Variants in CCDC187 observed in about 807,000 individuals in gnomAD.
CCDC187 encodes the protein coiled-coil domain containing 187.
A neutral mutation model predicts 38.0 loss-of-function variants in CCDC187; 32 were observed. The ratio of observed to expected loss-of-function variants is 0.84; its 90% CI spans 0.64 to 1.13. The LOEUF is 1.13. CCDC187 is among the 50% of genes most tolerant of loss of function. The pLI is 0.00. For missense variants in CCDC187, 707 were observed against 786.8 expected (o/e 0.90, Z 1.21); for synonymous variants, 333 against 347.9 (o/e 0.96, Z 0.48).
chr9:136,299,001 G>A (rs1055957514), intron 3 of CCDC187, among the ~76,000 whole-genome samples: 16 of 152,204 alleles, frequency 1.1e-4, no homozygotes, highest in Admixed American at 2.0e-4. Flanking sequence ...GCCGGTGACT[G>A]ATAGGATGGG....
rs532447754 is a variant in CCDC187, at chr9:136,265,883, T to G, written c.3735+73A>C. Reference sequence around the variant, plus strand: ...CTCTGTTGCTGGGGAATGTTCAGATTCCAGGCAAGAAGATGACACGACTGC... The same window carrying G: ...CTCTGTTGCTGGGGAATGTTCAGATGCCAGGCAAGAAGATGACACGACTGC... On this transcript the variant is annotated intron_variant, in intron 17 of 25. Coordinates refer to ENST00000638797, the MANE Select transcript of CCDC187 (RefSeq NM_001378188.1). 3.9e-6 allele frequency: 3 copies of G among 768,436 alleles called. No individual in the cohort carries two copies. The South Asian group carries it at 1.8e-4, about 45-fold the overall frequency. The allele number at this position is 768,436 out of a possible 1,614,324, so 47.6% of individuals were successfully genotyped here.
At chr9:136,294,242 GGT>G (rs1831478856) in intron 4 of CCDC187, among the ~76,000 whole-genome samples, 1 of 132,618 alleles carries the variant, frequency 7.5e-6, no homozygotes, top group African/African-American at 2.9e-5. Context: ...GCCCTCACGT[GGT>G]CTCACACTCT....
intron 14 of CCDC187, among the ~76,000 whole-genome samples, chr9:136,270,299 C>T (rs1346438335): frequency 1.3e-5 from 2 of 152,176 alleles, no homozygotes; most frequent in Non-Finnish European, 2.9e-5. Context: ...TGGGCACGCT[C>T]ATATTTATTG....
At chr9:136,295,757 A>C (rs916179055) in intron 4 of CCDC187, 1 of 152,240 alleles carries the variant, frequency 6.6e-6, no homozygotes, top group Non-Finnish European at 1.5e-5. Flanking sequence ...ACGATGATGA[A>C]TGCGGCCGGT....
intron 9 of CCDC187, 123 bp from the exon 10 acceptor site, chr9:136,281,786 C>T (rs1831049762): frequency 2.5e-6 from 1 of 397,538 alleles, no homozygotes; most frequent in Non-Finnish European, 4.4e-6. Flanking sequence ...GAGCAGCTCT[C>T]AGACCCCCAA....
At chr9:136,283,149 T>C (rs1426209577) in intron 9 of CCDC187, among the ~76,000 whole-genome samples, 29 of 152,330 alleles carry the variant, frequency 1.9e-4, no homozygotes, top group South Asian at 1.9e-3. Flanking sequence ...CTGGGGAGGC[T>C]GAGGCGGGAG....
At chr9:136,281,317 T>G (rs1014095375) in intron 10 of CCDC187, 5 of 397,688 alleles carry the variant, frequency 1.3e-5, no homozygotes, top group African/African-American at 2.1e-5. Context: ...AATAAGCACG[T>G]GGGTCTCATC....
chr9:136,303,271 C>T lies in CCDC187; in HGVS notation c.166G>A (p.Asp56Asn). ...KPRLCAPAAE[D>N]DVAALRWPGP... Reference sequence around the variant, plus strand: ...GGCCACCTCAGGGCTGCCACGTCATCCTCAGCTGCAGGTGCGCAGAGCCTG... The same window carrying T: ...GGCCACCTCAGGGCTGCCACGTCATTCTCAGCTGCAGGTGCGCAGAGCCTG... The change falls in exon 2 of 26, where the codon GAT becomes AAT. Residue 56 changes from aspartate to asparagine, a missense_variant. Coordinates refer to ENST00000638797, the MANE Select transcript of CCDC187 (RefSeq NM_001378188.1). 1 of 397,820 alleles carries T rather than the reference C, an allele frequency of 2.5e-6. No homozygotes were observed. The highest frequency in any genetic ancestry group is 4.4e-6 in the Non-Finnish European group (1 of 226,050). 24.6% of individuals were successfully genotyped at this position (397,820 alleles called of 1,614,324 possible).
Position 136,290,975 on chromosome 9 carries a change from A to G in CCDC187, c.1638T>C (p.Thr546=). 2.5e-6 allele frequency: 1 copy of G among 398,654 alleles called. No homozygotes were observed. The allele number at this position is 398,654 out of a possible 1,614,324, so 24.7% of individuals were successfully genotyped here. The change falls in exon 6 of 26, where the codon ACT becomes ACC. Residue 546 remains threonine (T), a synonymous_variant. Transcript: ENST00000638797. The part of the protein sequence containing the change: ...ATQPCPRRAW[T]ACETWEDPGP... The stretch of plus-strand genomic sequence containing the variant: ...CAGGGTCCTCCCAGGTTTCACAGGC[A>G]GTCCAGGCCCTCCGTGGACAGGGCT...
chr9:136,269,466 G>A (rs1184545160), intron 14 of CCDC187, among the ~76,000 whole-genome samples: 1 of 152,116 alleles, frequency 6.6e-6, no homozygotes, highest in Non-Finnish European at 1.5e-5. Context: ...TGGCTAACAT[G>A]GTGAAACCCC....
In CCDC187 at chr9:136,250,861, G is replaced by C; in HGVS notation, c.*2733C>G. 2.2e-6 allele frequency: 1 copy of C among 455,458 alleles called. No individual in the cohort carries two copies. Among genetic ancestry groups the C allele is most frequent in the South Asian group, 1.5e-5 (1 of 64,520 alleles). The allele number at this position is 455,458 out of a possible 1,614,324, so 28.2% of individuals were successfully genotyped here. ...GGCAGGCTGGGTCCAGCTGCTCCCGGGCGAGGGGTGTCTGGAGAGGGGCTC... is the reference window on the plus strand; with the variant it reads ...GGCAGGCTGGGTCCAGCTGCTCCCGCGCGAGGGGTGTCTGGAGAGGGGCTC... On this transcript the variant is annotated 3_prime_UTR_variant, in exon 26 of 26. Transcript: ENST00000638797.
At position 136,290,168 on chromosome 9, in the gene CCDC187, A is replaced by G. The variant is rs971668925; in HGVS notation, c.2128-115T>C. ...CTTGGGGGTCTCAGGCTGCTTCCCC[A>G]GAGTCTTGCAGGAATCGGGGTCCCA... On this transcript the variant is annotated intron_variant, in intron 6 of 25. Transcript: ENST00000638797. The G allele has an allele frequency of 1.3e-5, 5 of 397,562 alleles. No individual in the cohort carries two copies. The Admixed American group carries it at 1.8e-4, about 14-fold the overall frequency. 24.6% of individuals were successfully genotyped at this position (397,562 alleles called of 1,614,324 possible).
chr9:136,282,867 A>ACCCG (rs1831080058), intron 9 of CCDC187, among the ~76,000 whole-genome samples: 1 of 152,204 alleles, frequency 6.6e-6, no homozygotes, highest in South Asian at 2.1e-4. Flanking sequence ...GTGTTCTGGA[A>ACCCG]CCCGGGCTGG....
At chr9:136,259,214 C>A (rs181419276) in intron 21 of CCDC187, 149 bp downstream of exon 21, 3 of 312,458 alleles carry the variant, frequency 9.6e-6, no homozygotes, top group African/African-American at 7.0e-5. Flanking sequence ...GGGGCCCCAA[C>A]CAAGATGAAG....
At chr9:136,284,405 C>T (rs1202972543) in intron 9 of CCDC187, among the ~76,000 whole-genome samples, 1 of 152,186 alleles carries the variant, frequency 6.6e-6, no homozygotes, top group Admixed American at 6.5e-5. Context: ...TCCCGAGAGA[C>T]CGCCGCCGGC....
intron 10 of CCDC187, among the ~76,000 whole-genome samples, chr9:136,278,878 G>GA (rs1406454159): frequency 6.6e-6 from 1 of 152,246 alleles, no homozygotes; most frequent in African/African-American, 2.4e-5. Flanking sequence ...ACATGTGGCT[G>GA]GTGGCTACCA....
chr9:136,267,359 G>A, intron 16 of CCDC187, 25 bp downstream of exon 16: 1 of 985,090 alleles, frequency 1.0e-6, no homozygotes, highest in Non-Finnish European at 1.2e-6. Flanking sequence ...GCGGGGCGGG[G>A]CCGGCGCCAG....
Position 136,290,798 on chromosome 9 carries a change from G to A in CCDC187, c.1815C>T (p.Thr605=), listed in dbSNP as rs1474379221. ...SAAKHALPRP[T]GSFPQNPLGK... is the part of the protein sequence containing the mutation. ...CAAGTGGGTTCTGAGGGAAGCTCCCGGTGGGCCTTGGCAGGGCATGCTTGG... is the reference window on the plus strand; with the variant it reads ...CAAGTGGGTTCTGAGGGAAGCTCCCAGTGGGCCTTGGCAGGGCATGCTTGG... Residue 605 remains threonine, a synonymous_variant, in exon 6 of 26, where the codon ACC becomes ACT. Coordinates refer to ENST00000638797, the MANE Select transcript of CCDC187 (RefSeq NM_001378188.1). 3.8e-5 allele frequency: 15 copies of A among 398,554 alleles called. No individual in the cohort carries two copies. Among genetic ancestry groups the A allele is most frequent in the Middle Eastern group, 6.3e-4 (1 of 1,588 alleles). 24.7% of individuals were successfully genotyped at this position (398,554 alleles called of 1,614,324 possible). A position where few individuals can be genotyped will look rare whatever the true frequency, so the allele number is the denominator to read the frequency against.
rs1239739314 is a variant in CCDC187, at chr9:136,251,935, G to A, written c.*1659C>T. 2 of 116,968 alleles carry A rather than the reference G, an allele frequency of 1.7e-5. No homozygotes were observed. The highest frequency in any genetic ancestry group is 3.0e-5 in the African/African-American group (1 of 33,372). The allele number at this position is 116,968 out of a possible 1,614,324, so 7.2% of individuals were successfully genotyped here. ...CACCTGGTCCACCCTGGGAAGAGCC[G>A]GCCGCCCACCCAGTCCACCCCGGGA... On this transcript the variant is annotated 3_prime_UTR_variant, in exon 26 of 26. Transcript: ENST00000638797.
Sources: allele counts gnomAD v4.1 joint callset (sites outside exome capture counted in the v4.1 genomes callset), GRCh38; gene constraint gnomAD v4.1.1; transcripts MANE v1.5; gene names NCBI Gene and HGNC (gene_info 2026-07-23, HGNC 2026-07-21).